CTIF: variants seen among roughly 807,000 people sequenced by gnomAD.
CTIF encodes the protein CBP80/20-dependent translation initiation factor.
Under a neutral mutation model 66.0 loss-of-function variants are expected in CTIF, and 21 were observed. The observed-to-expected ratio is 0.32, with a 90% confidence interval of 0.23 to 0.46. CTIF has a LOEUF of 0.46. CTIF is among the 20% of genes least tolerant of loss of function. The probability of loss-of-function intolerance (pLI) is 1.00; values close to 1 mark genes in which losing one functional copy is unlikely to be tolerated. For missense variants in CTIF, 739 were observed against 812.7 expected (o/e 0.91, Z 1.10); for synonymous variants, 345 against 326.4 (o/e 1.06, Z -0.62).
intron 7 of CTIF, among the ~76,000 whole-genome samples, chr18:48,733,674 G>A (rs772183642): frequency 6.6e-6 from 1 of 152,242 alleles, no homozygotes; most frequent in Non-Finnish European, 1.5e-5. Flanking sequence ...AGGAGAAGGA[G>A]GAAAATTATC....
chr18:48,751,123 C>A (rs1296497602), intron 7 of CTIF, among the ~76,000 whole-genome samples: 3 of 152,214 alleles, frequency 2.0e-5, no homozygotes, highest in Admixed American at 6.5e-5. Flanking sequence ...ATGAACCATT[C>A]TTCTGCATCC....
intron 2 of CTIF, among the ~76,000 whole-genome samples, chr18:48,630,728 T>C (rs919999328): frequency 6.6e-6 from 1 of 151,638 alleles, no homozygotes; most frequent in Non-Finnish European, 1.5e-5. Flanking sequence ...CAGGCTGGAG[T>C]GCGGTGGCGC....
chr18:48,775,436 G>A (rs1910579689), intron 9 of CTIF, among the ~76,000 whole-genome samples: 1 of 152,260 alleles, frequency 6.6e-6, no homozygotes, highest in African/African-American at 2.4e-5. Context: ...TGCCCACGCA[G>A]AGATTCTTCC....
In CTIF at chr18:48,621,478, G is replaced by A. The variant is rs575066995; in HGVS notation, c.180+1733G>A. ...TGAGGACTGTGTCGTCAGGAGGTGC[G>A]AGTCCTGAGCCCTGGAGTGGCCCCA... On this transcript the variant is annotated intron_variant, in intron 2 of 11. Coordinates refer to ENST00000256413, the MANE Select transcript of CTIF (RefSeq NM_014772.3). The A allele has an allele frequency of 4.3e-5, 14 of 321,972 alleles. No individual in the cohort carries two copies. In the East Asian group the frequency reaches 1.7e-3, roughly 39 times the overall value. 19.9% of individuals were successfully genotyped at this position (321,972 alleles called of 1,614,324 possible).
At position 48,592,389 on chromosome 18, in the gene CTIF, C is replaced by G. The variant is rs575173081; in HGVS notation, c.-28-27149C>G. The stretch of plus-strand genomic sequence containing the variant: ...GCGCATGCCTGTAATCCCAGCTACT[C>G]GGGAGGCTGAGGCAAGAGAATCGCT... On this transcript the variant is annotated intron_variant, in intron 1 of 11. Transcript: ENST00000256413. Among the ~76,000 whole-genome samples, 3 of 151,056 alleles carry G rather than the reference C, an allele frequency of 2.0e-5. No individual in the cohort carries two copies. In the East Asian group the frequency reaches 5.9e-4, roughly 30 times the overall value.
At chr18:48,655,297 TAAAAAAAAAAAAAA>T (rs35564462) in intron 3 of CTIF, among the ~76,000 whole-genome samples, 1 of 106,246 alleles carries the variant, frequency 9.4e-6, no homozygotes, top group East Asian at 2.3e-4. Flanking sequence ...AGAGCAAGAC[TAAAAAAAAAAAAAA>T]AAAAAAAAAG....
intron 7 of CTIF, among the ~76,000 whole-genome samples, chr18:48,750,928 G>A (rs568354717): frequency 6.6e-6 from 1 of 152,212 alleles, no homozygotes; most frequent in East Asian, 1.9e-4. Context: ...GCACACATTC[G>A]GGGCCAAACT....
intron 1 of CTIF, among the ~76,000 whole-genome samples, chr18:48,612,178 C>T (rs2090319237): frequency 1.3e-5 from 2 of 152,210 alleles, no homozygotes; most frequent in South Asian, 4.1e-4. Flanking sequence ...AGCTTGAGGG[C>T]CGCAGACTGT....
intron 5 of CTIF, among the ~76,000 whole-genome samples, chr18:48,664,909 CTT>C (rs368586647): frequency 4.8e-5 from 3 of 62,132 alleles, no homozygotes; most frequent in South Asian, 5.7e-4. Context: ...GTGTTTCTTT[CTT>C]TTTTTTTTTT....
At chr18:48,669,793 T>TTATATATATATATATA (rs57715945) in intron 5 of CTIF, among the ~76,000 whole-genome samples, 2 of 47,258 alleles carry the variant, frequency 4.2e-5, no homozygotes, top group South Asian at 7.4e-4. Context: ...AGCTAAACAT[T>TTATATATATATATATA]TATATATATA....
chr18:48,616,554 T>C (rs2090404000), intron 1 of CTIF, among the ~76,000 whole-genome samples: 1 of 152,206 alleles, frequency 6.6e-6, no homozygotes, highest in South Asian at 2.1e-4. Flanking sequence ...CTGTGTGAAC[T>C]TGGGCAAGTT....
chr18:48,823,641 A>AT (rs746888953), intron 10 of CTIF, among the ~76,000 whole-genome samples: 2 of 152,200 alleles, frequency 1.3e-5, no homozygotes, highest in African/African-American at 4.8e-5. Context: ...TGCTTTGGCT[A>AT]TTTGGGCTCT....
chr18:48,608,639 G>A (rs1053623681), intron 1 of CTIF, among the ~76,000 whole-genome samples: 20 of 152,202 alleles, frequency 1.3e-4, no homozygotes, highest in Non-Finnish European at 2.2e-4. Flanking sequence ...TGCTGTTCTC[G>A]AACGTGAGCC....
intron 7 of CTIF, among the ~76,000 whole-genome samples, chr18:48,745,316 C>G (rs1461522299): frequency 1.3e-5 from 2 of 152,222 alleles, no homozygotes; most frequent in Admixed American, 1.3e-4. Context: ...GTTCTTTAAT[C>G]CCCTGCCTGG....
At chr18:48,717,593 A>C (rs1436372511) in intron 7 of CTIF, among the ~76,000 whole-genome samples, 2 of 152,154 alleles carry the variant, frequency 1.3e-5, no homozygotes, top group Non-Finnish European at 2.9e-5. Context: ...CTTTGTGAAT[A>C]GACTAAAAAG....
chr18:48,572,903 G>T (rs889949641), intron 1 of CTIF, among the ~76,000 whole-genome samples: 1 of 152,096 alleles, frequency 6.6e-6, no homozygotes, highest in African/African-American at 2.4e-5. Flanking sequence ...CGAGGTGGGA[G>T]GATTAATTGA....
At chr18:48,773,193 C>G (rs1910340688) in intron 9 of CTIF, among the ~76,000 whole-genome samples, 2 of 152,198 alleles carry the variant, frequency 1.3e-5, no homozygotes, top group South Asian at 4.1e-4. Flanking sequence ...TCCAGTCCAA[C>G]CCCCTCGTAT....
At chr18:48,771,881 G>A (rs894311953) in intron 9 of CTIF, among the ~76,000 whole-genome samples, 11 of 152,242 alleles carry the variant, frequency 7.2e-5, no homozygotes, top group South Asian at 2.1e-4. Flanking sequence ...TGCCCTGCCC[G>A]GGCACGGCCG....
intron 6 of CTIF, among the ~76,000 whole-genome samples, chr18:48,687,010 G>A (rs555571956): frequency 3.9e-5 from 6 of 152,272 alleles, no homozygotes; most frequent in African/African-American, 1.2e-4. Flanking sequence ...TTAAATGCAT[G>A]TGGTCAATCC....
Sources: gnomAD v4.1 joint callset for allele counts (sites outside exome capture counted in the v4.1 genomes callset) on GRCh38, gnomAD v4.1.1 for gene constraint, MANE v1.5 for transcripts, NCBI Gene and HGNC (gene_info 2026-07-23, HGNC 2026-07-21) for gene names.